The following DCHS2 variants were observed in gnomAD, a reference collection of about 807,000 sequenced individuals.
DCHS2 encodes protocadherin-23.
In DCHS2, 142 loss-of-function variants were observed where a neutral mutation model predicts 182.4. The observed-to-expected ratio is 0.78, with a 90% CI of 0.68 to 0.89. The LOEUF is 0.89. DCHS2 is among the 40% of genes least tolerant of loss of function. The pLI is 0.00. For synonymous variants in DCHS2, 1,740 were observed against 1,663.3 expected (o/e 1.05, Z -1.12); for missense variants, 4,319 against 4,198.6 (o/e 1.03, Z -0.79).
At chr4:154,391,280 T>TATCTC in intron 1 of DCHS2, 1 of 1,601,276 alleles carries the variant, frequency 6.2e-7, no homozygotes, top group Non-Finnish European at 8.5e-7. Flanking sequence ...CTGATTTCGT[T>TATCTC]ATCTCATCCA....
intron 1 of DCHS2, among the ~76,000 whole-genome samples, chr4:154,420,577 G>A (rs1324639168): frequency 1.3e-5 from 2 of 152,166 alleles, no homozygotes; most frequent in South Asian, 2.1e-4. Context: ...GAGTTCTGAT[G>A]TCTACAGGCA....
intron 1 of DCHS2, among the ~76,000 whole-genome samples, chr4:154,477,078 G>C (rs921829360): frequency 6.6e-6 from 1 of 152,116 alleles, no homozygotes; most frequent in Non-Finnish European, 1.5e-5. Flanking sequence ...AATACTGTAG[G>C]CTGGGTGGCT....
At chr4:154,361,741 C>T (rs937830254) in intron 3 of DCHS2, among the ~76,000 whole-genome samples, 2 of 152,044 alleles carry the variant, frequency 1.3e-5, no homozygotes, top group African/African-American at 2.4e-5. Context: ...ACCATGACAT[C>T]GCCACACCCC....
intron 1 of DCHS2, among the ~76,000 whole-genome samples, chr4:154,401,037 GC>G (rs1241872628): frequency 2.0e-5 from 3 of 152,192 alleles, no homozygotes; most frequent in Admixed American, 1.3e-4. Context: ...ATTTAAATCA[GC>G]CCAGAAGGCT....
chr4:154,333,199 C>T lies in DCHS2; in HGVS notation c.3009G>A (p.Ala1003=). 6.2e-7 allele frequency: 1 copy of T among 1,614,202 alleles called. No homozygotes were observed. The highest frequency in any genetic ancestry group is 8.5e-7 in the Non-Finnish European group (1 of 1,180,032). ...CGTTCCGCCCACTGTCTCTGTCTTCCGCACGTGCGAGGTACAAGGCTGTGC... is the reference window on the plus strand; with the variant it reads ...CGTTCCGCCCACTGTCTCTGTCTTCTGCACGTGCGAGGTACAAGGCTGTGC... ...PPGTALYLAR[A]EDRDSGRNGL... Residue 1003 remains alanine (A), a synonymous_variant, in exon 5 of 20, where the codon GCG becomes GCA. Coordinates refer to ENST00000357232, the MANE Select transcript of DCHS2 (RefSeq NM_001358235.2).
At chr4:154,306,662 G>A (rs1372884865) in intron 10 of DCHS2, among the ~76,000 whole-genome samples, 4 of 151,646 alleles carry the variant, frequency 2.6e-5, no homozygotes, top group Admixed American at 2.6e-4. Context: ...AAATGAATGA[G>A]CTCATTTATA....
intron 7 of DCHS2, among the ~76,000 whole-genome samples, chr4:154,325,316 C>CGTGTGTGTGTGTGTGTGTGT (rs75589397): frequency 7.0e-6 from 1 of 142,660 alleles, no homozygotes; most frequent in African/African-American, 2.6e-5. Flanking sequence ...GGATTATAGC[C>CGTGTGTGTGTGTGTGTGTGT]GTGTGTGTGT....
chr4:154,457,966 T>C (rs1734843434), intron 1 of DCHS2, among the ~76,000 whole-genome samples: 1 of 152,340 alleles, frequency 6.6e-6, no homozygotes, highest in East Asian at 1.9e-4. Context: ...CTCTGCCTTT[T>C]TGTTTAACTT....
chr4:154,489,778 T>C lies in DCHS2; in HGVS notation c.1578A>G (p.Leu526=). Residue 526 remains leucine (L), a synonymous_variant, in exon 1 of 20, where the codon CTA becomes CTG. Coordinates refer to ENST00000357232, the MANE Select transcript of DCHS2 (RefSeq NM_001358235.2). ...SPPLSTEETL[L]LRVADLNDQP... ...GGTCATTGAGGTCAGCGACCCGGAG[T>C]AGCAGCGTCTCCTCCGTGCTCAGCG... is the stretch of plus-strand genomic sequence containing the variant. The C allele has an allele frequency of 6.4e-7, 1 of 1,551,270 alleles. No homozygotes were observed. The highest frequency in any genetic ancestry group is 8.7e-7 in the Non-Finnish European group (1 of 1,146,872).
intron 3 of DCHS2, chr4:154,357,422 C>T (rs1465787314): frequency 1.9e-5 from 14 of 720,846 alleles, no homozygotes; most frequent in South Asian, 4.8e-5. Flanking sequence ...GTCCAGGACA[C>T]GTAGCACTCT....
intron 1 of DCHS2, among the ~76,000 whole-genome samples, chr4:154,421,968 CT>C (rs1733131493): frequency 6.6e-6 from 1 of 152,332 alleles, no homozygotes; most frequent in Non-Finnish European, 1.5e-5. Flanking sequence ...TTTCTATCCT[CT>C]TTTTATTTAA....
chr4:154,474,737 C>T (rs183968378), intron 1 of DCHS2, among the ~76,000 whole-genome samples: 32 of 152,288 alleles, frequency 2.1e-4, no homozygotes, highest in African/African-American at 7.5e-4. Context: ...AACCATGCTA[C>T]TCCCAATTTT....
At chr4:154,453,259 C>A (rs1236685329) in intron 1 of DCHS2, among the ~76,000 whole-genome samples, 1 of 147,214 alleles carries the variant, frequency 6.8e-6, no homozygotes, top group Admixed American at 7.0e-5. Context: ...CATAGTAATG[C>A]GACACTGCTG....
Position 154,377,309 on chromosome 4 carries a change from T to C in DCHS2, c.2188A>G (p.Ile730Val), listed in dbSNP as rs143805343. The change falls in exon 2 of 20, where the codon ATC becomes GTC. Residue 730 changes from isoleucine (I) to valine (V), a missense_variant. Coordinates refer to ENST00000357232, the MANE Select transcript of DCHS2 (RefSeq NM_001358235.2). ...HDGQICVSQD[I>V]DRERDPATYD... ...GTAGCTGGATCCCTTTCCCTGTCGA[T>C]ATCTTGAGAAACACAGATTTGCCCA... is the stretch of plus-strand genomic sequence containing the variant. 36 of 1,613,690 alleles carry C rather than the reference T, an allele frequency of 2.2e-5. No individual in the cohort carries two copies. In the African/African-American group the frequency reaches 4.8e-4, roughly 22 times the overall value.
chr4:154,490,914 C>T lies in DCHS2; in HGVS notation c.442G>A (p.Gly148Ser). Residue 148 changes from glycine (G) to serine (S), a missense_variant, in exon 1 of 20, where the codon GGC (glycine) becomes AGC (serine). Gly to Ser is a moderately conservative substitution (Grantham distance 56). Transcript: ENST00000357232. ...CGAATCTCCACCTGCACCACAGCGC[C>T]CAGCAGCGTGGCGGCGACGAAGCTG... ...HYSFVAATLL[G>S]AVVQVEIRVN... 1 of 1,551,318 alleles carries T rather than the reference C, an allele frequency of 6.4e-7. No individual in the cohort carries two copies. Among genetic ancestry groups the T allele is most frequent in the Non-Finnish European group, 8.7e-7 (1 of 1,146,908 alleles).
At chr4:154,315,514 T>C (rs545728005) in intron 10 of DCHS2, among the ~76,000 whole-genome samples, 1 of 152,360 alleles carries the variant, frequency 6.6e-6, no homozygotes, top group South Asian at 2.1e-4. Flanking sequence ...ATAAGGTGTG[T>C]ATCACCCTAA....
At chr4:154,326,596 T>G (rs1578967317) in intron 7 of DCHS2, among the ~76,000 whole-genome samples, 1 of 152,318 alleles carries the variant, frequency 6.6e-6, no homozygotes, top group Non-Finnish European at 1.5e-5. Flanking sequence ...ATCTTTGATA[T>G]GCTGAGAGTA....
At chr4:154,323,339 A>G (rs1421551529) in intron 7 of DCHS2, 1 of 1,539,966 alleles carries the variant, frequency 6.5e-7, no homozygotes, top group East Asian at 2.5e-5. Flanking sequence ...GCTGCCAAAA[A>G]AAAAAAAAAA....
At chr4:154,375,500 A>G (rs935489004) in intron 2 of DCHS2, among the ~76,000 whole-genome samples, 14 of 152,154 alleles carry the variant, frequency 9.2e-5, no homozygotes, top group African/African-American at 3.4e-4. Context: ...AACAATAACA[A>G]TGGAAAATGA....
Sources: allele counts gnomAD v4.1 joint callset (sites outside exome capture counted in the v4.1 genomes callset), GRCh38; gene constraint gnomAD v4.1.1; transcripts MANE v1.5; gene names NCBI Gene and HGNC (gene_info 2026-07-23, HGNC 2026-07-21).